FSTL1: variants seen among roughly 807,000 people sequenced by gnomAD.
FSTL1 encodes the protein follistatin-related protein 1.
In FSTL1, 24 loss-of-function variants were observed where a neutral mutation model predicts 45.9. The observed-to-expected ratio is 0.52, with a 90% CI of 0.38 to 0.74. The LOEUF is 0.74. FSTL1 is among the 30% of genes least tolerant of loss of function. The pLI, the probability that FSTL1 is intolerant of heterozygous loss-of-function variation, is 0.00. For missense variants in FSTL1, 340 were observed against 381.8 expected (o/e 0.89, Z 0.91); for synonymous variants, 120 against 137.6 (o/e 0.87, Z 0.89).
At chr3:120,412,036 GACAC>G in intron 3 of FSTL1, 53 bp from the exon 4 acceptor site, 12 of 1,425,686 alleles carry the variant, frequency 8.4e-6, no homozygotes, top group Non-Finnish European at 1.1e-5. Flanking sequence ...TCGACACACA[GACAC>G]ACACACACAC....
At chr3:120,426,683 C>T (rs978833656) in intron 2 of FSTL1, among the ~76,000 whole-genome samples, 1 of 152,182 alleles carries the variant, frequency 6.6e-6, no homozygotes, top group Non-Finnish European at 1.5e-5. Context: ...ACCTGCAAGC[C>T]AAGCCACTAT....
chr3:120,433,204 A>G (rs1341704463), intron 2 of FSTL1, among the ~76,000 whole-genome samples: 1 of 152,206 alleles, frequency 6.6e-6, no homozygotes, highest in Non-Finnish European at 1.5e-5. Context: ...GGAAGGAAAC[A>G]ATAAAAATAT....
Position 120,394,125 on chromosome 3 carries a change from C to A in FSTL1, c.*2827G>T, listed in dbSNP as rs189989506. ...CAAAGAAACTTGTTCTACCAGTCCC[C>A]GAGTAAACTTTCCATCCAAGCTGTA... On this transcript the variant is annotated 3_prime_UTR_variant, in exon 11 of 11. Transcript: ENST00000295633. 1 of 152,200 alleles carries A rather than the reference C, an allele frequency of 6.6e-6. No individual in the cohort carries two copies. Among genetic ancestry groups the A allele is most frequent in the Non-Finnish European group, 1.5e-5 (1 of 68,050 alleles). The allele number at this position is 152,200 out of a possible 1,614,324, so 9.4% of individuals were successfully genotyped here.
chr3:120,398,432 A>G (rs563546978), intron 10 of FSTL1, among the ~76,000 whole-genome samples: 2 of 152,230 alleles, frequency 1.3e-5, no homozygotes, highest in South Asian at 4.1e-4. Flanking sequence ...GTCCACACAC[A>G]CTGATAGGCC....
intron 9 of FSTL1, 53 bp from the exon 10 acceptor site, chr3:120,400,012 G>T: frequency 8.1e-7 from 1 of 1,229,086 alleles, no homozygotes; most frequent in Non-Finnish European, 1.2e-6. Flanking sequence ...AGCCAGTGAG[G>T]AATCCGCCAA....
intron 9 of FSTL1, among the ~76,000 whole-genome samples, chr3:120,401,260 G>GC (rs1248989829): frequency 6.6e-6 from 1 of 152,174 alleles, no homozygotes; most frequent in African/African-American, 2.4e-5. Flanking sequence ...GGAGATCCTG[G>GC]CTTGGTCTTG....
chr3:120,396,814 C>A lies in FSTL1; in HGVS notation c.*138G>T. 1 of 709,292 alleles carries A rather than the reference C, an allele frequency of 1.4e-6. No homozygotes were observed. The highest frequency in any genetic ancestry group is 2.5e-6 in the Non-Finnish European group (1 of 397,490). 43.9% of individuals were successfully genotyped at this position (709,292 alleles called of 1,614,324 possible). ...CACCTTCATATCCTTTATTGCAAAA[C>A]AAATAAACAAAATAAAACTCATTGC... On this transcript the variant is annotated 3_prime_UTR_variant, in exon 11 of 11. Coordinates refer to ENST00000295633, the MANE Select transcript of FSTL1 (RefSeq NM_007085.5).
intron 2 of FSTL1, among the ~76,000 whole-genome samples, chr3:120,420,477 C>T (rs1261429892): frequency 2.6e-5 from 4 of 152,210 alleles, no homozygotes; most frequent in Non-Finnish European, 4.4e-5. Context: ...CCTTCTGCAT[C>T]ATCTTCCTGA....
intron 1 of FSTL1, 39 bp downstream of exon 1, chr3:120,450,858 C>G: frequency 1.3e-5 from 9 of 685,062 alleles, no homozygotes; most frequent in Middle Eastern, 2.7e-4. Context: ...CCCGGCCGCC[C>G]GAAGAGTCCG....
intron 3 of FSTL1, among the ~76,000 whole-genome samples, chr3:120,415,502 T>C (rs1231448203): frequency 1.3e-5 from 2 of 152,190 alleles, no homozygotes; most frequent in Non-Finnish European, 2.9e-5. Context: ...TTGCATAAAA[T>C]AGGGGGAACC....
intron 9 of FSTL1, among the ~76,000 whole-genome samples, chr3:120,401,045 T>C (rs1424841318): frequency 6.6e-6 from 1 of 152,254 alleles, no homozygotes; most frequent in Non-Finnish European, 1.5e-5. Flanking sequence ...GCTTATTCTA[T>C]AAGCCAACTG....
chr3:120,433,779 T>A (rs1412572081), intron 2 of FSTL1, among the ~76,000 whole-genome samples: 1 of 152,094 alleles, frequency 6.6e-6, no homozygotes, highest in East Asian at 1.9e-4. Context: ...ATGAGAGCAA[T>A]TCAGACGAAA....
chr3:120,437,188 CAA>C (rs1937577591), intron 2 of FSTL1, among the ~76,000 whole-genome samples: 1 of 152,174 alleles, frequency 6.6e-6, no homozygotes. Flanking sequence ...TGTTATGCCA[CAA>C]ACTACAAACT....
chr3:120,448,677 T>C (rs1392291805), intron 2 of FSTL1, among the ~76,000 whole-genome samples: 1 of 152,202 alleles, frequency 6.6e-6, no homozygotes, highest in Non-Finnish European at 1.5e-5. Context: ...TACTTCTCTA[T>C]TTTGCCTTCT....
intron 2 of FSTL1, among the ~76,000 whole-genome samples, chr3:120,420,903 C>T (rs1937264799): frequency 6.6e-6 from 1 of 152,156 alleles, no homozygotes; most frequent in Admixed American, 6.5e-5. Flanking sequence ...TACCTCTTTA[C>T]AAATCAAAGC....
chr3:120,416,192 TCCAACAGCTAGTGCCCTACTC>T (rs1227529156), intron 2 of FSTL1, among the ~76,000 whole-genome samples, 165 bp from the exon 3 acceptor site: 1 of 152,148 alleles, frequency 6.6e-6, no homozygotes, highest in African/African-American at 2.4e-5. Flanking sequence ...AGACGTTGCC[TCCAACAGCTAGTGCCCTACTC>T]CCAGATACTG....
chr3:120,398,235 T>C (rs1351072049), intron 10 of FSTL1, among the ~76,000 whole-genome samples: 4 of 152,188 alleles, frequency 2.6e-5, no homozygotes, highest in Non-Finnish European at 5.9e-5. Context: ...GGTATATGAA[T>C]CATATCTCAA....
At chr3:120,433,302 C>T (rs1937508718) in intron 2 of FSTL1, among the ~76,000 whole-genome samples, 1 of 152,184 alleles carries the variant, frequency 6.6e-6, no homozygotes, top group African/African-American at 2.4e-5. Flanking sequence ...GCAAGCCCAG[C>T]ACTACTATCA....
intron 6 of FSTL1, among the ~76,000 whole-genome samples, chr3:120,408,905 C>T (rs1576211382): frequency 2.6e-5 from 4 of 152,278 alleles, no homozygotes; most frequent in Admixed American, 2.6e-4. Flanking sequence ...ATCTGCATGG[C>T]ATGATAACCC....
Sources: allele counts gnomAD v4.1 joint callset (sites outside exome capture counted in the v4.1 genomes callset), GRCh38; gene constraint gnomAD v4.1.1; transcripts MANE v1.5; gene names NCBI Gene and HGNC (gene_info 2026-07-23, HGNC 2026-07-21).